Variants in KIAA1217 observed in about 807,000 individuals in gnomAD.
KIAA1217 encodes the protein KIAA1217.
KIAA1217 carries 88 observed loss-of-function variants against 163.9 expected under a neutral mutation model. The observed-to-expected ratio is 0.54, with a 90% CI of 0.45 to 0.64. KIAA1217 has a LOEUF of 0.64. KIAA1217 is among the 30% of genes least tolerant of loss of function. The probability of loss-of-function intolerance (pLI) is 0.00; values close to 1 mark genes in which losing one functional copy is unlikely to be tolerated. For missense variants in KIAA1217, 2,372 were observed against 2,475.0 expected (o/e 0.96, Z 0.88); for synonymous variants, 903 against 923.1 (o/e 0.98, Z 0.39).
At chr10:24,318,313 A>G (rs2043680529) in intron 2 of KIAA1217, among the ~76,000 whole-genome samples, 1 of 152,198 alleles carries the variant, frequency 6.6e-6, no homozygotes, top group Non-Finnish European at 1.5e-5. Context: ...CTGATTGAGT[A>G]AAGCAGATTA....
At chr10:24,401,012 A>C (rs565762623) in intron 3 of KIAA1217, among the ~76,000 whole-genome samples, 1 of 123,924 alleles carries the variant, frequency 8.1e-6, no homozygotes, top group Non-Finnish European at 1.5e-5. Context: ...CCCACTTTGG[A>C]GAAACTGCAA....
chr10:24,286,431 C>CACATACAT lies in KIAA1217; in HGVS notation c.354+66525_354+66526insTACATACA, dbSNP rs202045691. 9.5e-3 allele frequency among the ~76,000 whole-genome samples: 1,436 copies of CACATACAT among 151,904 alleles called. 28 individuals are homozygous for CACATACAT. Among genetic ancestry groups the CACATACAT allele is most frequent in the East Asian group, 0.084 (432 of 5,158 alleles). On this transcript the variant is annotated intron_variant, in intron 2 of 20. Transcript: ENST00000376454. ...AGTTTTAACAAATTATATACATACACACACACACACGCATATATATATATA... is the reference window on the plus strand; with the variant it reads ...AGTTTTAACAAATTATATACATACACACATACATACACACACACGCATATATATATATA...
chr10:24,025,548 A>G (rs1029032872), intron 2 of KIAA1217, among the ~76,000 whole-genome samples: 8 of 151,736 alleles, frequency 5.3e-5, no homozygotes, highest in Admixed American at 6.6e-5. Context: ...TCTACATAAA[A>G]TCTAGCTAAA....
At chr10:24,051,113 C>T (rs894023036) in intron 2 of KIAA1217, among the ~76,000 whole-genome samples, 1 of 152,148 alleles carries the variant, frequency 6.6e-6, no homozygotes, top group African/African-American at 2.4e-5. Flanking sequence ...TCCATTATAT[C>T]ATTCTTACGC....
intron 1 of KIAA1217, among the ~76,000 whole-genome samples, chr10:23,996,063 C>T (rs1015615702): frequency 2.0e-5 from 3 of 152,128 alleles, no homozygotes; most frequent in African/African-American, 7.2e-5. Context: ...GGTGCTAGCC[C>T]ATAGCAAAGA....
intron 2 of KIAA1217, among the ~76,000 whole-genome samples, chr10:24,125,108 C>T (rs746221399): frequency 6.6e-6 from 1 of 152,036 alleles, no homozygotes; most frequent in Non-Finnish European, 1.5e-5. Context: ...CCCGTCTCCA[C>T]TAAAAATACA....
intron 1 of KIAA1217, among the ~76,000 whole-genome samples, chr10:23,959,911 CTTTT>C (rs1326171008): frequency 2.8e-5 from 3 of 106,266 alleles, no homozygotes; most frequent in African/African-American, 3.7e-5. Context: ...TCATAGACTT[CTTTT>C]TTTTTTTTTT....
At chr10:24,396,352 A>G in intron 3 of KIAA1217, among the ~76,000 whole-genome samples, 1 of 152,140 alleles carries the variant, frequency 6.6e-6, no homozygotes, top group African/African-American at 2.4e-5. Context: ...AAAGAGAAAA[A>G]AGAAAAAAAA....
intron 2 of KIAA1217, among the ~76,000 whole-genome samples, chr10:24,102,585 C>A (rs1014068430): frequency 3.3e-5 from 5 of 152,124 alleles, no homozygotes; most frequent in African/African-American, 7.2e-5. Flanking sequence ...ATAGCCAACA[C>A]CATATTGAAG....
chr10:23,791,573 A>G (rs1035819651), intron 1 of KIAA1217, among the ~76,000 whole-genome samples: 10 of 152,230 alleles, frequency 6.6e-5, no homozygotes, highest in African/African-American at 2.2e-4. Context: ...TTCTGCAATT[A>G]TTTCATGAGC....
At chr10:23,879,242 A>G (rs1298603305) in intron 1 of KIAA1217, among the ~76,000 whole-genome samples, 1 of 150,924 alleles carries the variant, frequency 6.6e-6, no homozygotes, top group African/African-American at 2.4e-5. Context: ...ATTTTTAAAA[A>G]CCTCCCGGAT....
chr10:23,751,188 G>A (rs898772827), intron 1 of KIAA1217, among the ~76,000 whole-genome samples: 6 of 151,894 alleles, frequency 4.0e-5, no homozygotes, highest in Middle Eastern at 3.4e-3. Context: ...CCACCTTGCC[G>A]GGCTGAATTT....
chr10:24,445,816 T>C (rs1180314996), intron 5 of KIAA1217, among the ~76,000 whole-genome samples: 1 of 152,082 alleles, frequency 6.6e-6, no homozygotes, highest in Non-Finnish European at 1.5e-5. Context: ...GTCTTTGCTA[T>C]TGTGAATAGT....
intron 2 of KIAA1217, among the ~76,000 whole-genome samples, chr10:24,164,345 T>G (rs1187700165): frequency 6.6e-6 from 1 of 152,228 alleles, no homozygotes; most frequent in Non-Finnish European, 1.5e-5. Context: ...TTAAGTGACA[T>G]CCTCTCCCCT....
chr10:24,449,170 T>C (rs1319357480), intron 5 of KIAA1217, among the ~76,000 whole-genome samples: 1 of 152,238 alleles, frequency 6.6e-6, no homozygotes, highest in Non-Finnish European at 1.5e-5. Flanking sequence ...GTCCAGAACA[T>C]GGGAGATATT....
At chr10:24,426,342 G>C (rs1316013093) in intron 3 of KIAA1217, among the ~76,000 whole-genome samples, 1 of 152,172 alleles carries the variant, frequency 6.6e-6, no homozygotes, top group Admixed American at 6.6e-5. Context: ...CACGCTTGCA[G>C]CCAGGTGTGG....
chr10:23,701,612 C>T (rs1836454840), intron 1 of KIAA1217, among the ~76,000 whole-genome samples: 1 of 152,162 alleles, frequency 6.6e-6, no homozygotes. Context: ...ATTACATGAA[C>T]AACAAAAACT....
At chr10:24,526,678 T>C (rs1007658250) in intron 13 of KIAA1217, among the ~76,000 whole-genome samples, 1 of 152,104 alleles carries the variant, frequency 6.6e-6, no homozygotes, top group African/African-American at 2.4e-5. Context: ...GCTTTATTCA[T>C]TCAACAGAGA....
chr10:23,722,204 A>G (rs1161086476), intron 1 of KIAA1217, among the ~76,000 whole-genome samples: 2 of 152,154 alleles, frequency 1.3e-5, no homozygotes, highest in Non-Finnish European at 2.9e-5. Flanking sequence ...ATGTGGAGCT[A>G]TTGTTTAATG....
Sources: allele counts gnomAD v4.1 joint callset (sites outside exome capture counted in the v4.1 genomes callset), GRCh38; gene constraint gnomAD v4.1.1; transcripts MANE v1.5; gene names NCBI Gene and HGNC (gene_info 2026-07-23, HGNC 2026-07-21).